The following MAPK8 variants were observed in gnomAD, a reference collection of about 807,000 sequenced individuals.
MAPK8 encodes the protein JUN N-terminal kinase.
A neutral mutation model predicts 52.9 loss-of-function variants in MAPK8; 13 were observed. The observed-to-expected ratio is 0.25, with a 90% confidence interval of 0.16 to 0.39. The LOEUF (loss-of-function observed/expected upper bound fraction) is 0.39. Ranked by LOEUF, MAPK8 falls within the 10% of genes least tolerant of loss-of-function variation. The pLI, the probability that MAPK8 is intolerant of heterozygous loss-of-function variation, is 1.00. For missense variants in MAPK8, 300 were observed against 519.2 expected (o/e 0.58, Z 4.10); for synonymous variants, 191 against 169.8 (o/e 1.12, Z -0.97).
At chr10:48,418,479 G>A (rs1355926637) in intron 5 of MAPK8, among the ~76,000 whole-genome samples, 1 of 152,178 alleles carries the variant, frequency 6.6e-6, no homozygotes, top group Non-Finnish European at 1.5e-5. Flanking sequence ...AACCCAGGCT[G>A]CCAGAGAATC....
At chr10:48,357,291 T>G (rs966996315) in intron 1 of MAPK8, among the ~76,000 whole-genome samples, 1 of 152,234 alleles carries the variant, frequency 6.6e-6, no homozygotes, top group Non-Finnish European at 1.5e-5. Context: ...TTTCTGTGCC[T>G]TCTTTGTTTT....
chr10:48,349,319 A>T (rs1185095858), intron 1 of MAPK8, among the ~76,000 whole-genome samples: 1 of 152,192 alleles, frequency 6.6e-6, no homozygotes, highest in Admixed American at 6.5e-5. Flanking sequence ...AACAGAATAT[A>T]CACTCTTCTC....
chr10:48,388,557 C>A (rs900407997), intron 1 of MAPK8, among the ~76,000 whole-genome samples: 7 of 152,154 alleles, frequency 4.6e-5, no homozygotes, highest in Admixed American at 1.3e-4. Context: ...TGGAAACTTA[C>A]CAATGAGACA....
intron 1 of MAPK8, among the ~76,000 whole-genome samples, chr10:48,327,973 C>A (rs1462390625): frequency 3.3e-5 from 5 of 152,014 alleles, no homozygotes. Context: ...AATGATGACC[C>A]CTCTTCCATT....
At chr10:48,312,042 T>C (rs1046643788) in intron 1 of MAPK8, among the ~76,000 whole-genome samples, 7 of 152,208 alleles carry the variant, frequency 4.6e-5, no homozygotes, top group African/African-American at 1.2e-4. Flanking sequence ...GAAGCAAATA[T>C]TGTTAGTCAT....
intron 6 of MAPK8, 118 bp from the exon 7 acceptor site, chr10:48,423,970 T>A: frequency 3.4e-6 from 2 of 581,382 alleles, no homozygotes; most frequent in Non-Finnish European, 5.9e-6. Context: ...AAAGTTACAA[T>A]CACTTTTTTT....
intron 1 of MAPK8, among the ~76,000 whole-genome samples, chr10:48,329,942 T>A (rs542630949): frequency 3.2e-4 from 49 of 152,172 alleles, no homozygotes; most frequent in East Asian, 5.8e-4. Context: ...TTTAAAAAAA[T>A]TTTTTTTAAA....
At chr10:48,427,659 T>A (rs1021025477) in intron 10 of MAPK8, among the ~76,000 whole-genome samples, 1 of 151,928 alleles carries the variant, frequency 6.6e-6, no homozygotes, top group Non-Finnish European at 1.5e-5. Flanking sequence ...ACCCGGCTAA[T>A]TTTTTTGTAT....
chr10:48,405,242 G>A (rs760058595), intron 3 of MAPK8, among the ~76,000 whole-genome samples: 2 of 151,914 alleles, frequency 1.3e-5, no homozygotes, highest in East Asian at 1.9e-4. Context: ...AAAAAGATAA[G>A]CGTTTGAGAA....
intron 1 of MAPK8, among the ~76,000 whole-genome samples, chr10:48,321,962 G>T (rs1843041744): frequency 6.6e-6 from 1 of 152,176 alleles, no homozygotes; most frequent in Non-Finnish European, 1.5e-5. Flanking sequence ...ACACACAGAG[G>T]TGTGTGTGTA....
intron 1 of MAPK8, among the ~76,000 whole-genome samples, chr10:48,357,863 C>G (rs1847130854): frequency 6.6e-6 from 1 of 152,180 alleles, no homozygotes; most frequent in Non-Finnish European, 1.5e-5. Context: ...CTCCTCATTC[C>G]CCTGTCCCAT....
intron 3 of MAPK8, among the ~76,000 whole-genome samples, chr10:48,407,493 A>G (rs1188948763): frequency 6.6e-6 from 1 of 152,212 alleles, no homozygotes; most frequent in Non-Finnish European, 1.5e-5. Context: ...ATATACCACT[A>G]CTAATCATTG....
At chr10:48,388,812 A>G (rs1219951508) in intron 1 of MAPK8, among the ~76,000 whole-genome samples, 5 of 152,188 alleles carry the variant, frequency 3.3e-5, no homozygotes, top group Non-Finnish European at 5.9e-5. Flanking sequence ...GCTCAGACCT[A>G]GGCTGGCTTA....
intron 3 of MAPK8, among the ~76,000 whole-genome samples, chr10:48,407,178 T>C (rs947050226): frequency 3.9e-5 from 6 of 152,236 alleles, no homozygotes; most frequent in Non-Finnish European, 8.8e-5. Flanking sequence ...CACTTCCCAG[T>C]TTTGCTCAGG....
At chr10:48,374,037 T>C (rs975967210) in intron 1 of MAPK8, among the ~76,000 whole-genome samples, 2 of 151,214 alleles carry the variant, frequency 1.3e-5, no homozygotes, top group South Asian at 4.2e-4. Context: ...ACAGAAATCA[T>C]AACAGTCTCT....
In MAPK8 at chr10:48,382,616, C is replaced by G. The variant is rs138933194; in HGVS notation, c.-49-18996C>G. ...TTACCAAGTTTTAAATAACAAGTAG[C>G]AAATTTATATTTCAAGCACAGAGAA... On this transcript the variant is annotated intron_variant, in intron 1 of 11. Coordinates refer to ENST00000374189, the MANE Select transcript of MAPK8 (RefSeq NM_001323329.2). Among the ~76,000 whole-genome samples, 1,178 of 151,716 alleles carry G rather than the reference C, an allele frequency of 7.8e-3. 3 individuals are homozygous for G. The highest frequency in any genetic ancestry group is 9.0e-3 in the Non-Finnish European group (612 of 67,900).
chr10:48,342,202 C>A (rs1314862546), intron 1 of MAPK8, among the ~76,000 whole-genome samples: 1 of 152,184 alleles, frequency 6.6e-6, no homozygotes, highest in South Asian at 2.1e-4. Flanking sequence ...TTCCCAGGCT[C>A]AAGCGATTCT....
chr10:48,409,802 C>T, intron 3 of MAPK8, 77 bp from the exon 4 acceptor site: 1 of 937,650 alleles, frequency 1.1e-6, no homozygotes, highest in Non-Finnish European at 1.6e-6. Context: ...TTTTTTTTAA[C>T]TCATGTATTT....
intron 1 of MAPK8, among the ~76,000 whole-genome samples, chr10:48,350,562 T>C (rs1286966169): frequency 6.6e-6 from 1 of 152,170 alleles, no homozygotes; most frequent in Non-Finnish European, 1.5e-5. Context: ...TTGACAAAAT[T>C]CAATAGCCCC....
Sources: gnomAD v4.1 joint callset for allele counts (sites outside exome capture counted in the v4.1 genomes callset) on GRCh38, gnomAD v4.1.1 for gene constraint, MANE v1.5 for transcripts, NCBI Gene and HGNC (gene_info 2026-07-23, HGNC 2026-07-21) for gene names.